KALRN: variants seen among roughly 807,000 people sequenced by gnomAD.
KALRN encodes the protein kalirin.
In KALRN, 70 loss-of-function variants were observed where a neutral mutation model predicts 353.7. That is an observed-to-expected ratio of 0.20 (90% CI 0.16 to 0.24). KALRN has a LOEUF of 0.24. KALRN is among the 10% of genes least tolerant of loss of function. The probability of loss-of-function intolerance (pLI) is 1.00; values close to 1 mark genes in which losing one functional copy is unlikely to be tolerated. For missense variants in KALRN, 2,791 were observed against 3,756.7 expected, an observed-to-expected ratio of 0.74 and a Z score of 6.72; for synonymous variants, 1,391 against 1,434.8, an observed-to-expected ratio of 0.97 and a Z score of 0.69.
chr3:124,485,939 T>G (rs1477190746), intron 28 of KALRN, among the ~76,000 whole-genome samples: 1 of 152,218 alleles, frequency 6.6e-6, no homozygotes, highest in Non-Finnish European at 1.5e-5. Context: ...CAGTGCCTGC[T>G]GAGTAAGAGA....
intron 1 of KALRN, among the ~76,000 whole-genome samples, chr3:124,102,239 A>C (rs1170399649): frequency 1.3e-5 from 2 of 152,174 alleles, no homozygotes; most frequent in Non-Finnish European, 2.9e-5. Flanking sequence ...CCTCTTGTCT[A>C]ATAAAGAGTT....
chr3:124,053,297 T>C (rs1224437597), intron 1 of KALRN, among the ~76,000 whole-genome samples: 3 of 152,180 alleles, frequency 2.0e-5, no homozygotes, highest in East Asian at 1.9e-4. Context: ...TAATATGGCA[T>C]TGGAAGGACA....
At chr3:124,140,801 G>A (rs1007456735) in intron 1 of KALRN, among the ~76,000 whole-genome samples, 6 of 152,166 alleles carry the variant, frequency 3.9e-5, no homozygotes, top group African/African-American at 1.4e-4. Context: ...TCCCGGGGGG[G>A]GCACAGGGAG....
intron 33 of KALRN, among the ~76,000 whole-genome samples, chr3:124,528,637 T>G (rs1200335378): frequency 6.6e-6 from 1 of 152,160 alleles, no homozygotes; most frequent in East Asian, 1.9e-4. Context: ...TGTGTACTAG[T>G]TACCATCTAA....
intron 33 of KALRN, among the ~76,000 whole-genome samples, chr3:124,516,636 T>TAA (rs371660048): frequency 0.016 from 1,929 of 118,770 alleles, 55 homozygotes; most frequent in African/African-American, 0.054. Context: ...AGCACATCTA[T>TAA]AAAAAAAAAA....
intron 33 of KALRN, among the ~76,000 whole-genome samples, chr3:124,512,553 A>T (rs2066043896): frequency 6.6e-6 from 1 of 152,316 alleles, no homozygotes; most frequent in Non-Finnish European, 1.5e-5. Context: ...CAGGAGGCTG[A>T]GGCAGTAGAA....
intron 1 of KALRN, chr3:124,152,562 CT>C: frequency 1.6e-6 from 1 of 620,346 alleles, no homozygotes; most frequent in Non-Finnish European, 2.8e-6. Flanking sequence ...CTTTTCTTTT[CT>C]TTTCTTTTCT....
At chr3:124,488,178 T>C (rs369948761) in intron 28 of KALRN, 26 bp from the exon 29 acceptor site, 65 of 1,489,440 alleles carry the variant, frequency 4.4e-5, no homozygotes, top group Non-Finnish European at 6.0e-5. Flanking sequence ...ATGGCCCTAA[T>C]TATGTCCGGA....
intron 1 of KALRN, among the ~76,000 whole-genome samples, chr3:124,108,108 T>C (rs181676697): frequency 1.3e-5 from 2 of 152,298 alleles, no homozygotes; most frequent in East Asian, 1.9e-4. Flanking sequence ...TCCAGTCTTA[T>C]CCTTGCAGGG....
chr3:124,411,461 T>TTTTTTTTTTA (rs869188737), intron 13 of KALRN, among the ~76,000 whole-genome samples: 1 of 96,100 alleles, frequency 1.0e-5, no homozygotes, highest in Non-Finnish European at 2.2e-5. Flanking sequence ...TTTTTTTTTT[T>TTTTTTTTTTA]AAGAAACAGG....
chr3:124,382,771 CCT>C (rs1235444584), intron 10 of KALRN, among the ~76,000 whole-genome samples: 1 of 152,112 alleles, frequency 6.6e-6, no homozygotes, highest in African/African-American at 2.4e-5. Context: ...TCCTAAAATA[CCT>C]CTCTCCCATC....
intron 5 of KALRN, among the ~76,000 whole-genome samples, chr3:124,281,558 C>T (rs1430793309): frequency 6.6e-6 from 1 of 152,232 alleles, no homozygotes; most frequent in Non-Finnish European, 1.5e-5. Context: ...GGAATGCCTG[C>T]TCCACTATAT....
intron 27 of KALRN, 67 bp from the exon 28 acceptor site, chr3:124,482,741 C>A (rs2062116365): frequency 1.9e-6 from 2 of 1,039,724 alleles, no homozygotes; most frequent in African/African-American, 3.1e-5. Context: ...TGCCTTTCTC[C>A]TCTCAGAGTT....
chr3:124,400,994 G>C (rs2090786451), intron 13 of KALRN, among the ~76,000 whole-genome samples: 1 of 152,162 alleles, frequency 6.6e-6, no homozygotes, highest in Non-Finnish European at 1.5e-5. Flanking sequence ...GCGCTGGAAT[G>C]GGTCAGTTAG....
chr3:124,587,622 C>A (rs9870980), intron 34 of KALRN, among the ~76,000 whole-genome samples: 3,792 of 150,712 alleles, frequency 0.025, 66 homozygotes, highest in Middle Eastern at 0.041. Context: ...GGATGAATTT[C>A]ACTGAACTTA....
intron 25 of KALRN, among the ~76,000 whole-genome samples, chr3:124,465,420 A>G (rs1004767918): frequency 2.0e-5 from 3 of 152,132 alleles, no homozygotes; most frequent in Non-Finnish European, 2.9e-5. Flanking sequence ...TAAAATTACT[A>G]TTTGCAGACT....
chr3:124,034,099 C>T (rs1469283381), intron 1 of KALRN, among the ~76,000 whole-genome samples: 1 of 152,136 alleles, frequency 6.6e-6, no homozygotes, highest in Non-Finnish European at 1.5e-5. Context: ...CGCCTTCTCC[C>T]AGAGCGCGGG....
intron 34 of KALRN, among the ~76,000 whole-genome samples, chr3:124,572,633 C>T (rs1345787274): frequency 6.6e-6 from 1 of 152,060 alleles, no homozygotes. Context: ...CTGGGAGGCT[C>T]AAGGGTAGAA....
chr3:124,104,314 T>C (rs71332724), intron 1 of KALRN, among the ~76,000 whole-genome samples: 2 of 152,218 alleles, frequency 1.3e-5, no homozygotes, highest in African/African-American at 4.8e-5. Flanking sequence ...ACAGTCTTCT[T>C]GTCTTCGTGA....
Sources: allele counts gnomAD v4.1 joint callset (sites outside exome capture counted in the v4.1 genomes callset), GRCh38; gene constraint gnomAD v4.1.1; transcripts MANE v1.5; gene names NCBI Gene and HGNC (gene_info 2026-07-23, HGNC 2026-07-21).